The following SYNE1 variants were observed in gnomAD, a reference collection of about 807,000 sequenced individuals.
The protein encoded by SYNE1 is nesprin-1.
A neutral mutation model predicts 1,111.0 loss-of-function variants in SYNE1; 616 were observed. The ratio of observed to expected loss-of-function variants is 0.55; its 90% CI spans 0.52 to 0.59. The LOEUF (loss-of-function observed/expected upper bound fraction) is 0.59. Ranked by LOEUF, SYNE1 falls within the 20% of genes least tolerant of loss-of-function variation. SYNE1 has a pLI of 0.00. For missense variants in SYNE1, 10,006 were observed against 10,417.0 expected, an observed-to-expected ratio of 0.96 and a Z score of 1.72; for synonymous variants, 3,855 against 3,825.8, an observed-to-expected ratio of 1.01 and a Z score of -0.28.
intron 64 of SYNE1, among the ~76,000 whole-genome samples, chr6:152,361,465 C>A (rs1168184724): frequency 6.6e-6 from 1 of 152,118 alleles, no homozygotes; most frequent in Non-Finnish European, 1.5e-5. Context: ...ATCAGTAGGA[C>A]CTAGTGCCAG....
Position 152,242,323 on chromosome 6 carries a change from T to C in SYNE1, c.19810A>G (p.Thr6604Ala). 2 of 1,614,064 alleles carry C rather than the reference T, an allele frequency of 1.2e-6. No homozygotes were observed. Among genetic ancestry groups the C allele is most frequent in the South Asian group, 1.1e-5 (1 of 91,070 alleles). Residue 6604 changes from threonine to alanine, a missense_variant, in exon 107 of 146, where the codon ACT becomes GCT. Coordinates refer to ENST00000367255, the MANE Select transcript of SYNE1 (RefSeq NM_182961.4). The part of the protein sequence containing the change: ...ALQDLADLLE[T>A]GQEKMAGDQK... ...TCTCCTGCCATCTTCTCCTGACCAG[T>C]TTCTAGCAGGTCAGCCAGATCTTGT... is the stretch of plus-strand genomic sequence containing the variant.
In SYNE1 at chr6:152,180,769, C is replaced by T. The variant is rs6906758; in HGVS notation, c.23302-475G>A. Among the ~76,000 whole-genome samples the T allele has an allele frequency of 6.5e-3, 984 of 152,080 alleles. 12 individuals carry two copies. The highest frequency in any genetic ancestry group is 0.022 in the African/African-American group (914 of 41,480). On this transcript the variant is annotated intron_variant, in intron 128 of 145. Transcript: ENST00000367255. ...AAAGAAGGGATGGAAGAATGAGCCT[C>T]AGGTATCTAGAGAGTGAGGAAGCGG...
chr6:152,412,550 A>G (rs2098080617), intron 42 of SYNE1, among the ~76,000 whole-genome samples: 1 of 152,216 alleles, frequency 6.6e-6, no homozygotes, highest in Admixed American at 6.5e-5. Flanking sequence ...AGACAAAACT[A>G]TAGATGTGGA....
chr6:152,359,496 GCACCATCACATCAACGACACTGCTAAAAT>G, intron 64 of SYNE1, 38 bp from the exon 65 acceptor site: 2 of 1,613,410 alleles, frequency 1.2e-6, no homozygotes, highest in Non-Finnish European at 1.7e-6. Flanking sequence ...GGCCATTCAT[GCACCATCACATCAACGACACTGCTAAAAT>G]CAAGATATTT....
At chr6:152,155,174 C>G (rs141055930) in intron 132 of SYNE1, 132 bp from the exon 133 acceptor site, 3 of 1,085,142 alleles carry the variant, frequency 2.8e-6, no homozygotes, top group Non-Finnish European at 4.1e-6. Flanking sequence ...AACCATTCCT[C>G]GAGCCAAATT....
rs377001681 is a variant in SYNE1 at position 152,369,083 on chromosome 6, C to T, written c.9696G>A (p.Arg3232=). 32 of 1,614,092 alleles carry T rather than the reference C, an allele frequency of 2.0e-5. No individual in the cohort carries two copies. In the African/African-American group the frequency reaches 3.5e-4, roughly 17 times the overall value. The part of the protein sequence containing the change: ...EIHCYEPQLN[R]LKEKAQQLWE... Reference sequence around the variant, plus strand: ...ACAGCTGCTGAGCTTTCTCTTTCAGCCTGTTGAGCTGAGGCTCGTAGCAGT... The same window carrying T: ...ACAGCTGCTGAGCTTTCTCTTTCAGTCTGTTGAGCTGAGGCTCGTAGCAGT... The change falls in exon 61 of 146, where the codon AGG becomes AGA. Residue 3232 remains arginine (R), a synonymous_variant. Transcript: ENST00000367255.
In SYNE1 at chr6:152,472,314, C is replaced by T. The variant is rs1399599285; in HGVS notation, c.1450G>A (p.Asp484Asn). Residue 484 changes from aspartate (D) to asparagine (N), a missense_variant, in exon 15 of 146, where the codon GAC (aspartate) becomes AAC (asparagine). Coordinates refer to ENST00000367255, the MANE Select transcript of SYNE1 (RefSeq NM_182961.4). Reference protein sequence around the residue: ...GIPVPPDQLEDMAERFHFVSS... With the variant: ...GIPVPPDQLENMAERFHFVSS... ...ATATTCTCTTACCTCTCGGCCATGT[C>T]CTCTAATTGATCAGGTGGCACTGGA... The T allele has an allele frequency of 1.9e-6, 3 of 1,613,476 alleles. No individual in the cohort carries two copies. The highest frequency in any genetic ancestry group is 1.1e-5 in the South Asian group (1 of 91,066).
intron 2 of SYNE1, among the ~76,000 whole-genome samples, chr6:152,631,460 G>A (rs1482000800): frequency 1.3e-5 from 2 of 152,170 alleles, no homozygotes; most frequent in Admixed American, 1.3e-4. Flanking sequence ...TGGTTCTCTA[G>A]CAGGCAACAG....
chr6:152,206,146 G>A (rs200050007), intron 126 of SYNE1, 22 bp downstream of exon 126: 45 of 1,608,148 alleles, frequency 2.8e-5, no homozygotes, highest in South Asian at 4.4e-5. Context: ...TTTTTGGTTC[G>A]TTTTTTTCTA....
intron 87 of SYNE1, among the ~76,000 whole-genome samples, chr6:152,313,001 G>A (rs1164535752): frequency 6.6e-6 from 1 of 152,134 alleles, no homozygotes; most frequent in Non-Finnish European, 1.5e-5. Context: ...CTACTCCATT[G>A]ACAAAGCAGG....
At chr6:152,218,888 T>C in intron 120 of SYNE1, 115 bp downstream of exon 120, 1 of 1,122,932 alleles carries the variant, frequency 8.9e-7, no homozygotes, top group Non-Finnish European at 1.3e-6. Context: ...ACTTGCTATT[T>C]TCTTGAGTCT....
rs76045328 is a variant in SYNE1 at position 152,300,346 on chromosome 6, C to T, written c.17682+295G>A. On this transcript the variant is annotated intron_variant, in intron 93 of 145. Coordinates refer to ENST00000367255, the MANE Select transcript of SYNE1 (RefSeq NM_182961.4). ...TTTTATTTTCTGTTGGATGCAGAAC[C>T]CCATTCCAGATGATTGCTGGAAACT... Among the ~76,000 whole-genome samples the T allele has an allele frequency of 0.055, 8,334 of 152,128 alleles. 311 individuals are homozygous for T. Among genetic ancestry groups the T allele is most frequent in the African/African-American group, 0.097 (4,029 of 41,476 alleles).
chr6:152,370,553 C>T (rs1281426377), intron 59 of SYNE1, among the ~76,000 whole-genome samples: 2 of 152,090 alleles, frequency 1.3e-5, no homozygotes, highest in African/African-American at 2.4e-5. Flanking sequence ...CTATGTAGTA[C>T]CCTAGGTGTA....
At chr6:152,399,935 C>T (rs2097787120) in intron 47 of SYNE1, 112 bp from the exon 48 acceptor site, 2 of 1,199,894 alleles carry the variant, frequency 1.7e-6, no homozygotes, top group Non-Finnish European at 2.4e-6. Context: ...GAATCCACTC[C>T]ATGGTGTATA....
In SYNE1 at chr6:152,339,282, C is replaced by A; in HGVS notation, c.12310G>T (p.Val4104Leu). Reference protein sequence around the residue: ...CSMCDLSNASVKTTAKDIQQT... With the variant: ...CSMCDLSNASLKTTAKDIQQT... ...TGAATGTCTTTTGCTGTGGTTTTCA[C>A]CGAAGCATTTGACAGGTCACACATG... The change falls in exon 75 of 146, where the codon GTG becomes TTG. Residue 4104 changes from valine to leucine, a missense_variant. Transcript: ENST00000367255. 6.2e-7 allele frequency: 1 copy of A among 1,613,956 alleles called. No homozygotes were observed. The highest frequency in any genetic ancestry group is 2.2e-5 in the East Asian group (1 of 44,870).
intron 41 of SYNE1, 54 bp from the exon 42 acceptor site, chr6:152,413,585 A>G (rs1193949938): frequency 6.3e-7 from 1 of 1,579,288 alleles, no homozygotes. Context: ...GTAAATGAAT[A>G]TTTCTTCTCC....
In SYNE1 at chr6:152,294,089, C is replaced by A; in HGVS notation, c.17721G>T (p.Leu5907Phe). ...GGTGAATTTTTGCAGCATCTGTCTGCAACCTCTCAGCAGACAAGGCTTGGT... is the reference window on the plus strand; with the variant it reads ...GGTGAATTTTTGCAGCATCTGTCTGAAACCTCTCAGCAGACAAGGCTTGGT... ...AYYQALSAERLQTDAAKIHPS... is the reference protein window; with the variant it reads ...AYYQALSAERFQTDAAKIHPS... Residue 5907 changes from leucine to phenylalanine, a missense_variant, in exon 94 of 146, where the codon TTG (leucine) becomes TTT (phenylalanine). Leu to Phe is a conservative substitution (Grantham distance 22, BLOSUM62 0). Around this residue, in one of 7 missense-constraint regions of SYNE1, gnomAD observed 4,955 missense variants for 5,017.2 expected, o/e 0.99. Coordinates refer to ENST00000367255, the MANE Select transcript of SYNE1 (RefSeq NM_182961.4). 5.6e-6 allele frequency: 9 copies of A among 1,613,838 alleles called. No homozygotes were observed. The highest frequency in any genetic ancestry group is 7.6e-6 in the Non-Finnish European group (9 of 1,180,014).
At chr6:152,202,602 A>T (rs750808221) in intron 126 of SYNE1, among the ~76,000 whole-genome samples, 17 of 152,148 alleles carry the variant, frequency 1.1e-4, no homozygotes, top group Non-Finnish European at 2.5e-4. Flanking sequence ...GGAAGCAATG[A>T]GTGTCAAGGC....
At chr6:152,490,265 T>A (rs2098963195) in intron 11 of SYNE1, among the ~76,000 whole-genome samples, 1 of 152,160 alleles carries the variant, frequency 6.6e-6, no homozygotes, top group Admixed American at 6.5e-5. Context: ...AACCTGAGCA[T>A]CATAAATTTT....
Sources: gnomAD v4.1 joint callset for allele counts (sites outside exome capture counted in the v4.1 genomes callset) on GRCh38, gnomAD v4.1.1 for gene constraint, gnomAD v4.1.1 regional missense constraint, MANE v1.5 for transcripts, NCBI Gene and HGNC (gene_info 2026-07-23, HGNC 2026-07-21) for gene names.